DNAJB5: variants seen among roughly 807,000 people sequenced by gnomAD.
DNAJB5 encodes the protein dnaJ homolog subfamily B member 5.
DNAJB5 carries 12 observed loss-of-function variants against 32.6 expected under a neutral mutation model. The ratio of observed to expected loss-of-function variants is 0.37; its 90% confidence interval spans 0.24 to 0.60. The LOEUF is 0.60. Among genes scored for constraint, DNAJB5 ranks in the 20% least tolerant of loss-of-function variants. DNAJB5 has a pLI of 0.71. For missense variants in DNAJB5, 358 were observed against 554.2 expected (o/e 0.65, Z 3.55); for synonymous variants, 188 against 212.9 (o/e 0.88, Z 1.02).
At chr9:34,991,392 T>A in intron 2 of DNAJB5, 2 of 456,038 alleles carry the variant, frequency 4.4e-6, no homozygotes, top group South Asian at 3.1e-5. Context: ...AGGCAAGAGA[T>A]GTATGGGCCT....
downstream of DNAJB5, chr9:34,998,680 G>GA (rs1329782603): frequency 1.3e-5 from 2 of 152,132 alleles, no homozygotes; most frequent in African/African-American, 2.4e-5. Context: ...CCCTGCTCAT[G>GA]AGAGACAGAG....
chr9:34,991,672 C>A (rs965950037), intron 2 of DNAJB5: 6 of 231,144 alleles, frequency 2.6e-5, no homozygotes, highest in African/African-American at 1.4e-4. Flanking sequence ...ACGGTTGCCC[C>A]CCCCCCCAAC....
Position 34,993,528 on chromosome 9 carries a change from T to A in DNAJB5, c.427+84T>A, listed in dbSNP as rs1827712656. The A allele has an allele frequency of 2.0e-6, 3 of 1,514,504 alleles. No individual in the cohort carries two copies. The highest frequency in any genetic ancestry group is 2.7e-6 in the Non-Finnish European group (3 of 1,131,278). The allele number at this position is 1,514,504 out of a possible 1,614,324, so 93.8% of individuals were successfully genotyped here. The stretch of plus-strand genomic sequence containing the variant: ...TGCACCAGTTTGTGTAGCGGGGAAC[T>A]GGAGGCTGTGGAGGGGGTGAGGGCA... On this transcript the variant is annotated intron_variant, in intron 3 of 4. Coordinates refer to ENST00000682809, the MANE Select transcript of DNAJB5 (RefSeq NM_001349723.3). The surrounding 1 kb of genome is among the most constrained non-coding windows in gnomAD (Gnocchi z 4.7).
Position 34,993,535 on chromosome 9 carries a change from T to C in DNAJB5, c.427+91T>C, listed in dbSNP as rs1827712890. ...GTTTGTGTAGCGGGGAACTGGAGGC[T>C]GTGGAGGGGGTGAGGGCAGCAAGGG... On this transcript the variant is annotated intron_variant, in intron 3 of 4. Coordinates refer to ENST00000682809, the MANE Select transcript of DNAJB5 (RefSeq NM_001349723.3). This position sits in a 1 kb window ranked among gnomAD's most constrained non-coding sequence, Gnocchi z 4.7. 6.6e-7 allele frequency: 1 copy of C among 1,511,252 alleles called. No homozygotes were observed. The highest frequency in any genetic ancestry group is 2.2e-5 in the Admixed American group (1 of 44,614). The allele number at this position is 1,511,252 out of a possible 1,614,324, so 93.6% of individuals were successfully genotyped here. A position where few individuals can be genotyped will look rare whatever the true frequency, so the allele number is the denominator to read the frequency against.
intron 2 of DNAJB5, chr9:34,991,379 C>T (rs1031720393): frequency 3.7e-5 from 17 of 456,076 alleles, no homozygotes; most frequent in Non-Finnish European, 7.1e-5. Context: ...CCTGTGTCTG[C>T]GGAGGCAAGA....
chr9:34,994,671 C>T (rs1160764139), intron 3 of DNAJB5, among the ~76,000 whole-genome samples: 2 of 152,204 alleles, frequency 1.3e-5, no homozygotes, highest in Non-Finnish European at 2.9e-5. Context: ...AAGGCAGGAG[C>T]TGGGAGAGCT....
Position 34,993,244 on chromosome 9 carries a change from A to C in DNAJB5, c.227A>C (p.Asp76Ala), listed in dbSNP as rs771260389. The C allele has an allele frequency of 6.2e-7, 1 of 1,614,084 alleles. No homozygotes were observed. Among genetic ancestry groups the C allele is most frequent in the South Asian group, 1.1e-5 (1 of 91,072 alleles). The change falls in exon 3 of 5, where the codon GAT becomes GCT. Residue 76 changes from aspartate to alanine, a missense_variant. Physicochemically the swap from Asp to Ala is moderately radical, Grantham distance 126 (BLOSUM62 -2). Around this residue, in one of 2 missense-constraint regions of DNAJB5, gnomAD observed 110 missense variants for 111.7 expected, o/e 0.99. Coordinates refer to ENST00000682809, the MANE Select transcript of DNAJB5 (RefSeq NM_001349723.3). The surrounding 1 kb of genome is among the most constrained non-coding windows in gnomAD (Gnocchi z 4.7). ...GGTCCAGTGGCTGTGATGGGAAAAG[A>C]TTATTACAAGATTCTTGGGATCCCA... ...SAGPVAVMGK[D>A]YYKILGIPSG...
Position 34,993,538 on chromosome 9 carries a change from G to A in DNAJB5, c.427+94G>A. On this transcript the variant is annotated intron_variant, in intron 3 of 4. Coordinates refer to ENST00000682809, the MANE Select transcript of DNAJB5 (RefSeq NM_001349723.3). The surrounding 1 kb of genome is among the most constrained non-coding windows in gnomAD (Gnocchi z 4.7). ...TGTGTAGCGGGGAACTGGAGGCTGTGGAGGGGGTGAGGGCAGCAAGGGTTT... is the reference window on the plus strand; with the variant it reads ...TGTGTAGCGGGGAACTGGAGGCTGTAGAGGGGGTGAGGGCAGCAAGGGTTT... 5.3e-6 allele frequency: 8 copies of A among 1,506,214 alleles called. No homozygotes were observed. The highest frequency in any genetic ancestry group is 4.5e-5 in the Admixed American group (2 of 44,290). 93.3% of individuals were successfully genotyped at this position (1,506,214 alleles called of 1,614,324 possible).
In DNAJB5 at chr9:34,996,955, C is replaced by G; in HGVS notation, c.1030-71C>G. 1 of 1,593,990 alleles carries G rather than the reference C, an allele frequency of 6.3e-7. No individual in the cohort carries two copies. On this transcript the variant is annotated intron_variant, in intron 4 of 4. Coordinates refer to ENST00000682809, the MANE Select transcript of DNAJB5 (RefSeq NM_001349723.3). The surrounding 1 kb of genome is among the most constrained non-coding windows in gnomAD (Gnocchi z 7.2). ...GCCAGCTGGCACATTCTTTCCCCAC[C>G]TCAGTCTATTTCCTTCCTTCCCACT...
rs868825099 is a variant in DNAJB5, at chr9:34,991,261, G to A, written c.182+449G>A. 25 of 456,534 alleles carry A rather than the reference G, an allele frequency of 5.5e-5. No individual in the cohort carries two copies. In the Middle Eastern group the frequency reaches 7.1e-3, roughly 130 times the overall value. The allele number at this position is 456,534 out of a possible 1,614,324, so 28.3% of individuals were successfully genotyped here. A position where few individuals can be genotyped will look rare whatever the true frequency, so the allele number is the denominator to read the frequency against. On this transcript the variant is annotated intron_variant, in intron 2 of 4. Transcript: ENST00000682809. ...TCTTCTCCATCAAAGGCAGTGCCATGCCATGGGGCTCCTTTGTCATTCCAA... is the reference window on the plus strand; with the variant it reads ...TCTTCTCCATCAAAGGCAGTGCCATACCATGGGGCTCCTTTGTCATTCCAA...
intron 3 of DNAJB5, among the ~76,000 whole-genome samples, chr9:34,995,405 T>G (rs1827763348): frequency 1.3e-5 from 2 of 152,140 alleles, no homozygotes; most frequent in Admixed American, 6.5e-5. Context: ...CCTCCAGGAA[T>G]CTGAGCCCCT....
chr9:34,996,663 G>C lies in DNAJB5; in HGVS notation c.826G>C (p.Val276Leu). ...TCGCCTCAACCCTGATGGGCGAACT[G>C]TGCGCACCGAGGACAAGATCCTGCA... ...RRRLNPDGRT[V>L]RTEDKILHIV... Residue 276 changes from valine to leucine, a missense_variant, in exon 4 of 5, where the codon GTG (valine) becomes CTG (leucine). Val to Leu is a conservative substitution (Grantham distance 32). This residue lies in a region of DNAJB5 where 248 missense variants were observed against 442.6 expected (regional missense o/e 0.56). Coordinates refer to ENST00000682809, the MANE Select transcript of DNAJB5 (RefSeq NM_001349723.3). The surrounding 1 kb of genome is among the most constrained non-coding windows in gnomAD (Gnocchi z 7.2). 1 of 1,614,136 alleles carries C rather than the reference G, an allele frequency of 6.2e-7. No homozygotes were observed. The highest frequency in any genetic ancestry group is 8.5e-7 in the Non-Finnish European group (1 of 1,180,014).
rs915958352 is a variant in DNAJB5 at position 34,990,662 on chromosome 9, C to G, written c.32C>G (p.Pro11Arg). The G allele has an allele frequency of 1.9e-6, 3 of 1,551,690 alleles. No homozygotes were observed. The highest frequency in any genetic ancestry group is 2.6e-6 in the Non-Finnish European group (3 of 1,146,988). Reference protein sequence around the residue: MFKRTVLSCPPPAAPPLQARG... With the variant: MFKRTVLSCPRPAAPPLQARG... ...AAGCGCACAGTGCTCTCCTGCCCAC[C>G]CCCAGCAGCACCCCCACTGCAGGCC... The change falls in exon 2 of 5, where the codon CCC becomes CGC. Residue 11 changes from proline to arginine, a missense_variant. Transcript: ENST00000682809. The surrounding 1 kb of genome is among the most constrained non-coding windows in gnomAD (Gnocchi z 4.5).
At chr9:34,992,241 T>TA (rs1827670338) in intron 2 of DNAJB5, 4 of 152,166 alleles carry the variant, frequency 2.6e-5, no homozygotes. Context: ...GCACCCACCT[T>TA]AAAAGGGACT....
Position 34,993,911 on chromosome 9 carries a change from C to G in DNAJB5, c.427+467C>G, listed in dbSNP as rs138338582. Among the ~76,000 whole-genome samples, 55 of 152,348 alleles carry G rather than the reference C, an allele frequency of 3.6e-4. No individual in the cohort carries two copies. The highest frequency in any genetic ancestry group is 1.3e-3 in the African/African-American group (54 of 41,578). On this transcript the variant is annotated intron_variant, in intron 3 of 4. Coordinates refer to ENST00000682809, the MANE Select transcript of DNAJB5 (RefSeq NM_001349723.3). This position sits in a 1 kb window ranked among gnomAD's most constrained non-coding sequence, Gnocchi z 4.7. ...ATGGTTTTCCCCTTCTCTCCCCCGG[C>G]CCTGCCTGCTTCTGGCCAGCAGAAC...
chr9:34,991,574 C>T, intron 2 of DNAJB5: 1 of 364,206 alleles, frequency 2.7e-6, no homozygotes, highest in South Asian at 2.0e-5. Flanking sequence ...TTCCCAGTCC[C>T]AGGGGAAAGA....
intron 2 of DNAJB5, chr9:34,992,684 A>T (rs1442318368): frequency 4.7e-6 from 3 of 644,004 alleles, no homozygotes; most frequent in Non-Finnish European, 5.8e-6. Context: ...TCCCTGACTC[A>T]GTCTGGCTGG....
At chr9:34,994,133 C>T (rs1275142335) in intron 3 of DNAJB5, among the ~76,000 whole-genome samples, 1 of 152,236 alleles carries the variant, frequency 6.6e-6, no homozygotes, top group Non-Finnish European at 1.5e-5. Context: ...AATTCTGGGC[C>T]TGCCCCTCAG....
chr9:34,991,241 T>A, intron 2 of DNAJB5: 1 of 451,194 alleles, frequency 2.2e-6, no homozygotes, highest in South Asian at 1.6e-5. Context: ...CTCATTCTTC[T>A]CCATCAAAGG....
Sources: allele counts gnomAD v4.1 joint callset (sites outside exome capture counted in the v4.1 genomes callset), GRCh38; gene constraint gnomAD v4.1.1; regional missense constraint gnomAD v4.1.1; non-coding constraint Gnocchi (gnomAD v3.1); transcripts MANE v1.5; gene names NCBI Gene and HGNC (gene_info 2026-07-23, HGNC 2026-07-21).